The following SLC25A21 variants were observed in gnomAD, a reference collection of about 807,000 sequenced individuals.
The protein encoded by SLC25A21 is mitochondrial 2-oxodicarboxylate carrier.
SLC25A21 carries 47 observed loss-of-function variants against 43.8 expected under a neutral mutation model. The ratio of observed to expected loss-of-function variants is 1.07; its 90% CI spans 0.85 to 1.37. The LOEUF is 1.37. SLC25A21 is among the 40% of genes most tolerant of loss of function. The pLI, the probability that SLC25A21 is intolerant of heterozygous loss-of-function variation, is 0.00. For missense variants in SLC25A21, 352 were observed against 350.2 expected (o/e 1.00, Z -0.04); for synonymous variants, 131 against 121.3 (o/e 1.08, Z -0.52).
At chr14:37,066,553 C>T (rs1366015218) in intron 1 of SLC25A21, among the ~76,000 whole-genome samples, 1 of 152,094 alleles carries the variant, frequency 6.6e-6, no homozygotes, top group East Asian at 1.9e-4. Context: ...TACATTCATA[C>T]TTGTACTGTA....
intron 1 of SLC25A21, among the ~76,000 whole-genome samples, chr14:36,901,054 A>G (rs1436706080): frequency 6.6e-6 from 1 of 152,130 alleles, no homozygotes; most frequent in Non-Finnish European, 1.5e-5. Flanking sequence ...ACATTGCCTC[A>G]TGGAAAAAAA....
intron 1 of SLC25A21, among the ~76,000 whole-genome samples, chr14:37,049,220 C>T (rs7160964): frequency 7.9e-5 from 12 of 151,916 alleles, no homozygotes; most frequent in East Asian, 3.9e-4. Context: ...GAATGAATCA[C>T]GTCAGTAAGT....
At chr14:36,862,012 C>T (rs952668800) in intron 2 of SLC25A21, among the ~76,000 whole-genome samples, 10 of 152,166 alleles carry the variant, frequency 6.6e-5, no homozygotes, top group Non-Finnish European at 1.2e-4. Flanking sequence ...TGAAAAAAAG[C>T]TCATCATCAC....
At chr14:36,807,493 C>A (rs1489613259) in intron 3 of SLC25A21, among the ~76,000 whole-genome samples, 1 of 152,158 alleles carries the variant, frequency 6.6e-6, no homozygotes, top group African/African-American at 2.4e-5. Context: ...TCAGCTCTTC[C>A]ATTGTTTCTT....
intron 1 of SLC25A21, among the ~76,000 whole-genome samples, chr14:36,998,070 T>C (rs1416655467): frequency 6.6e-6 from 1 of 152,120 alleles, no homozygotes; most frequent in Admixed American, 6.6e-5. Context: ...CCAACCAACA[T>C]TTTCCCGAAG....
chr14:36,717,396 T>C (rs1268853544), intron 6 of SLC25A21, among the ~76,000 whole-genome samples: 1 of 152,210 alleles, frequency 6.6e-6, no homozygotes, highest in Non-Finnish European at 1.5e-5. Context: ...AGAGTGTATG[T>C]TGTATGAACA....
chr14:37,122,508 G>A (rs1462127669), intron 1 of SLC25A21, among the ~76,000 whole-genome samples: 1 of 152,216 alleles, frequency 6.6e-6, no homozygotes, highest in East Asian at 1.9e-4. Context: ...ACTGTTTTCT[G>A]GAGGATGTAG....
At chr14:36,969,810 T>C (rs1427066879) in intron 1 of SLC25A21, among the ~76,000 whole-genome samples, 1 of 151,942 alleles carries the variant, frequency 6.6e-6, no homozygotes, top group Non-Finnish European at 1.5e-5. Context: ...ACTTTTATAC[T>C]TCAATTCTTC....
At chr14:36,752,762 C>T (rs1435274765) in intron 3 of SLC25A21, among the ~76,000 whole-genome samples, 2 of 152,070 alleles carry the variant, frequency 1.3e-5, no homozygotes. Flanking sequence ...GAGCAGTTAC[C>T]CTCATGCTGT....
chr14:36,981,276 G>A (rs1375652204), intron 1 of SLC25A21, among the ~76,000 whole-genome samples: 1 of 152,206 alleles, frequency 6.6e-6, no homozygotes, highest in Non-Finnish European at 1.5e-5. Context: ...GGAAGACAGC[G>A]TGGCGATTCC....
intron 3 of SLC25A21, among the ~76,000 whole-genome samples, chr14:36,770,291 T>C (rs1886569628): frequency 6.6e-6 from 1 of 152,148 alleles, no homozygotes; most frequent in African/African-American, 2.4e-5. Context: ...TACCACATGT[T>C]CTTACCTATA....
intron 1 of SLC25A21, among the ~76,000 whole-genome samples, chr14:36,927,279 C>T (rs1446159730): frequency 1.3e-5 from 2 of 152,194 alleles, no homozygotes; most frequent in African/African-American, 4.8e-5. Flanking sequence ...GGTAATGCTA[C>T]TGACAATGAA....
At chr14:37,112,735 C>G (rs1963040958) in intron 1 of SLC25A21, among the ~76,000 whole-genome samples, 1 of 152,090 alleles carries the variant, frequency 6.6e-6, no homozygotes, top group South Asian at 2.1e-4. Context: ...AGGACAAGAA[C>G]AGAGTTGTGG....
intron 1 of SLC25A21, among the ~76,000 whole-genome samples, chr14:36,936,854 A>C (rs1376821532): frequency 6.6e-6 from 1 of 152,144 alleles, no homozygotes; most frequent in Non-Finnish European, 1.5e-5. Context: ...AAACATGGTA[A>C]ATCCCCACAC....
chr14:36,907,797 A>G (rs958694563), intron 1 of SLC25A21, among the ~76,000 whole-genome samples: 2 of 152,194 alleles, frequency 1.3e-5, no homozygotes, highest in Non-Finnish European at 2.9e-5. Flanking sequence ...TTTCTAAAAA[A>G]TGTTCCAAGG....
intron 3 of SLC25A21, among the ~76,000 whole-genome samples, chr14:36,787,795 C>T (rs1327039172): frequency 6.6e-6 from 1 of 152,112 alleles, no homozygotes; most frequent in Admixed American, 6.5e-5. Flanking sequence ...TGGAGAGGTG[C>T]TTTGGTCTCA....
intron 1 of SLC25A21, among the ~76,000 whole-genome samples, chr14:36,932,466 G>A (rs1892319757): frequency 6.6e-6 from 1 of 151,966 alleles, no homozygotes; most frequent in Admixed American, 6.6e-5. Context: ...TCTTTATCAT[G>A]TTATCTTTTA....
At position 36,764,083 on chromosome 14, in the gene SLC25A21, G is replaced by GAGAGAGAGA. The variant is rs1213150423; in HGVS notation, c.204-29511_204-29510insTCTCTCTCT. 1.5e-4 allele frequency among the ~76,000 whole-genome samples: 3 copies of GAGAGAGAGA among 19,738 alleles called. No individual in the cohort carries two copies. The Admixed American group carries it at 2.6e-3, about 17-fold the overall frequency. 12.9% of individuals were successfully genotyped at this position (19,738 alleles called of 152,430 possible). ...AAGAAAGAAAGAAAGAAAGAAAGAA[G>GAGAGAGAGA]GAAGGAAGGAAGGAAGGAAGGAAGG... On this transcript the variant is annotated intron_variant, in intron 3 of 9. Transcript: ENST00000331299.
chr14:36,940,374 G>A (rs1892526519), intron 1 of SLC25A21, among the ~76,000 whole-genome samples: 1 of 151,692 alleles, frequency 6.6e-6, no homozygotes, highest in Non-Finnish European at 1.5e-5. Flanking sequence ...AATGTAGGTT[G>A]GTATTTTTTT....
Sources: gnomAD v4.1 joint callset for allele counts (sites outside exome capture counted in the v4.1 genomes callset) on GRCh38, gnomAD v4.1.1 for gene constraint, MANE v1.5 for transcripts, NCBI Gene and HGNC (gene_info 2026-07-23, HGNC 2026-07-21) for gene names.